The following CATSPERE variants were observed in gnomAD, a reference collection of about 807,000 sequenced individuals.
CATSPERE encodes the protein cation channel sperm-associated auxiliary subunit epsilon.
CATSPERE carries 93 observed loss-of-function variants against 114.1 expected under a neutral mutation model. That is an observed-to-expected ratio of 0.81 (90% CI 0.69 to 0.97). CATSPERE has a LOEUF of 0.97. CATSPERE is among the 50% of genes least tolerant of loss of function. The pLI is 0.00. For synonymous variants in CATSPERE, 341 were observed against 384.1 expected (o/e 0.89, Z 1.31); for missense variants, 1,058 against 1,131.6 (o/e 0.93, Z 0.93).
At chr1:244,601,314 T>C (rs566540258) in intron 17 of CATSPERE, among the ~76,000 whole-genome samples, 147 of 152,262 alleles carry the variant, frequency 9.7e-4, no homozygotes, top group Non-Finnish European at 5.3e-4. Flanking sequence ...TTAATAATTT[T>C]TTCCAGAAGG....
chr1:244,491,326 A>G (rs1239693199), intron 6 of CATSPERE, among the ~76,000 whole-genome samples: 1 of 152,200 alleles, frequency 6.6e-6, no homozygotes, highest in Non-Finnish European at 1.5e-5. Context: ...AAACTGAACA[A>G]CCTGCTCCTG....
intron 5 of CATSPERE, among the ~76,000 whole-genome samples, chr1:244,480,364 C>T (rs1405606524): frequency 6.6e-6 from 1 of 152,096 alleles, no homozygotes; most frequent in Non-Finnish European, 1.5e-5. Flanking sequence ...CGGCAACATC[C>T]CAGGCACCGT....
intron 5 of CATSPERE, among the ~76,000 whole-genome samples, chr1:244,486,026 G>A (rs927905685): frequency 5.3e-5 from 8 of 152,008 alleles, no homozygotes; most frequent in Admixed American, 3.9e-4. Context: ...TTACCCAGAG[G>A]TAATTGCTAT....
At chr1:244,464,798 T>C (rs1667337856) in intron 2 of CATSPERE, among the ~76,000 whole-genome samples, 1 of 152,224 alleles carries the variant, frequency 6.6e-6, no homozygotes, top group Non-Finnish European at 1.5e-5. Flanking sequence ...TCTCCTTCTA[T>C]TACCTGTTCA....
At position 244,610,280 on chromosome 1, in the gene CATSPERE, T is replaced by C. The variant is rs1187945478; in HGVS notation, c.2444T>C (p.Ile815Thr). ...LHEAQTWKSM[I>T]ELNKHLPLEE... The stretch of plus-strand genomic sequence containing the variant: ...GAAGCACAGACATGGAAGTCAATGA[T>C]TGAACTTAACAAGCACCTCCCACTA... The change falls in exon 19 of 22, where the codon ATT becomes ACT. Residue 815 changes from isoleucine (I) to threonine (T), a missense_variant. Ile to Thr is a moderately conservative substitution (Grantham distance 89). This residue lies in a region of CATSPERE where 787 missense variants were observed against 905.6 expected (regional missense o/e 0.87). Coordinates refer to ENST00000366534, the MANE Select transcript of CATSPERE (RefSeq NM_001130957.2). The C allele has an allele frequency of 1.9e-6, 3 of 1,613,070 alleles. No individual in the cohort carries two copies. The highest frequency in any genetic ancestry group is 2.5e-6 in the Non-Finnish European group (3 of 1,179,498).
At chr1:244,507,910 CT>C (rs1219895969) in intron 7 of CATSPERE, among the ~76,000 whole-genome samples, 1 of 152,092 alleles carries the variant, frequency 6.6e-6, no homozygotes, top group Non-Finnish European at 1.5e-5. Flanking sequence ...GTGTATGCCC[CT>C]AGCTTTGTTC....
intron 11 of CATSPERE, among the ~76,000 whole-genome samples, chr1:244,578,841 T>TATATATAC (rs1260605917): frequency 4.1e-5 from 6 of 146,632 alleles, no homozygotes; most frequent in Non-Finnish European, 9.0e-5. Context: ...TATATATATA[T>TATATATAC]ATACACACAC....
At chr1:244,612,891 A>C (rs904704499) in intron 19 of CATSPERE, among the ~76,000 whole-genome samples, 4 of 152,152 alleles carry the variant, frequency 2.6e-5, no homozygotes, top group Non-Finnish European at 5.9e-5. Flanking sequence ...AAAAGATGGG[A>C]GAAGAAACAA....
At chr1:244,565,108 G>T (rs1045062125) in intron 10 of CATSPERE, among the ~76,000 whole-genome samples, 1 of 152,228 alleles carries the variant, frequency 6.6e-6, no homozygotes, top group Non-Finnish European at 1.5e-5. Flanking sequence ...CGACTTGATC[G>T]TAGTGGATAA....
chr1:244,558,607 C>A (rs1056782293), intron 9 of CATSPERE, among the ~76,000 whole-genome samples: 3 of 152,168 alleles, frequency 2.0e-5, no homozygotes, highest in Non-Finnish European at 2.9e-5. Context: ...AGTGGTGCCA[C>A]CAACCTTCGA....
intron 7 of CATSPERE, chr1:244,515,307 A>G (rs1177302709): frequency 2.0e-6 from 2 of 980,098 alleles, no homozygotes; most frequent in South Asian, 4.7e-5. Context: ...CTCATGAAAG[A>G]TACATACTCT....
At chr1:244,625,430 A>ATGTTTTTTTTTTTTTTTTTT (rs1476267922) in intron 20 of CATSPERE, among the ~76,000 whole-genome samples, 1 of 4,338 alleles carries the variant, frequency 2.3e-4, no homozygotes, top group Non-Finnish European at 5.0e-4. Flanking sequence ...ATATATATAT[A>ATGTTTTTTTTTTTTTTTTTT]TATTTTTTTT....
intron 8 of CATSPERE, among the ~76,000 whole-genome samples, chr1:244,551,712 G>A (rs1660652279): frequency 6.6e-6 from 1 of 151,924 alleles, no homozygotes; most frequent in African/African-American, 2.4e-5. Context: ...TAATAAAAGA[G>A]AAAAAAGAAG....
intron 13 of CATSPERE, among the ~76,000 whole-genome samples, chr1:244,587,995 G>A (rs1057051975): frequency 3.9e-5 from 6 of 152,118 alleles, no homozygotes; most frequent in African/African-American, 1.2e-4. Context: ...AGGAATTTGA[G>A]ACCAGCCTGA....
chr1:244,549,331 T>C (rs1660237766), intron 8 of CATSPERE, among the ~76,000 whole-genome samples: 1 of 152,214 alleles, frequency 6.6e-6, no homozygotes, highest in African/African-American at 2.4e-5. Flanking sequence ...AATACCAGCC[T>C]ATAACCACAT....
chr1:244,581,031 T>A (rs1407934305), intron 11 of CATSPERE, among the ~76,000 whole-genome samples: 6 of 151,280 alleles, frequency 4.0e-5, no homozygotes, highest in Admixed American at 6.6e-5. Flanking sequence ...AATAATAATT[T>A]CCTCACTTTT....
At chr1:244,532,355 T>G (rs945002427) in intron 8 of CATSPERE, among the ~76,000 whole-genome samples, 1 of 152,112 alleles carries the variant, frequency 6.6e-6, no homozygotes, top group African/African-American at 2.4e-5. Flanking sequence ...TAATTTTGGG[T>G]TTGGTTTGCT....
chr1:244,460,085 T>C (rs1666531713), upstream of CATSPERE, among the ~76,000 whole-genome samples: 1 of 152,206 alleles, frequency 6.6e-6, no homozygotes, highest in Admixed American at 6.5e-5. Context: ...GCTTCTAACC[T>C]CAAAGCTGTC....
intron 18 of CATSPERE, among the ~76,000 whole-genome samples, chr1:244,608,567 A>G (rs1243094250): frequency 1.3e-5 from 2 of 151,804 alleles, no homozygotes; most frequent in East Asian, 3.9e-4. Context: ...ATTTCAGTTC[A>G]AACAGTTTAC....
Sources: gnomAD v4.1 joint callset for allele counts (sites outside exome capture counted in the v4.1 genomes callset) on GRCh38, gnomAD v4.1.1 for gene constraint, gnomAD v4.1.1 regional missense constraint, MANE v1.5 for transcripts, NCBI Gene and HGNC (gene_info 2026-07-23, HGNC 2026-07-21) for gene names.